Variants in SYT1 observed in about 807,000 individuals in gnomAD.
The protein encoded by SYT1 is synaptotagmin-1.
In SYT1, 8 loss-of-function variants were observed where a neutral mutation model predicts 44.8. The ratio of observed to expected loss-of-function variants is 0.18; its 90% CI spans 0.10 to 0.32. The LOEUF (loss-of-function observed/expected upper bound fraction) is 0.32. Ranked by LOEUF, SYT1 falls within the 10% of genes least tolerant of loss-of-function variation. The probability of loss-of-function intolerance (pLI) is 1.00; values close to 1 mark genes in which losing one functional copy is unlikely to be tolerated. For synonymous variants in SYT1, 154 were observed against 188.8 expected, an observed-to-expected ratio of 0.82 and a Z score of 1.51; for missense variants, 286 against 509.3, an observed-to-expected ratio of 0.56 and a Z score of 4.22.
intron 1 of SYT1, among the ~76,000 whole-genome samples, chr12:78,889,394 G>A (rs1874923144): frequency 6.6e-6 from 1 of 151,928 alleles, no homozygotes; most frequent in Non-Finnish European, 1.5e-5. Context: ...CTTGGTTGAG[G>A]AACTTGTAAT....
At chr12:79,191,627 G>C (rs772891712) in intron 3 of SYT1, among the ~76,000 whole-genome samples, 1 of 152,078 alleles carries the variant, frequency 6.6e-6, no homozygotes, top group Non-Finnish European at 1.5e-5. Flanking sequence ...AGGATGACTA[G>C]GTAGAGACAT....
At chr12:79,217,300 T>C (rs558393443) in intron 3 of SYT1, among the ~76,000 whole-genome samples, 19 of 152,338 alleles carry the variant, frequency 1.2e-4, no homozygotes, top group African/African-American at 4.6e-4. Context: ...CTATGTCTGG[T>C]CTTACCTTCT....
At chr12:79,247,741 A>G (rs1166559364) in intron 4 of SYT1, among the ~76,000 whole-genome samples, 1 of 152,150 alleles carries the variant, frequency 6.6e-6, no homozygotes, top group Non-Finnish European at 1.5e-5. Context: ...TCAGCACACA[A>G]ACATAGATAC....
intron 1 of SYT1, among the ~76,000 whole-genome samples, chr12:78,898,662 A>AGCCAGCAGGTTCT (rs2137091040): frequency 6.6e-6 from 1 of 152,228 alleles, no homozygotes; most frequent in African/African-American, 2.4e-5. Context: ...AATGGCAGAC[A>AGCCAGCAGGTTCT]GCCAGCAGGT....
In SYT1 at chr12:79,249,088, CTTTT is replaced by C. The variant is rs58983623; in HGVS notation, c.166+31427_166+31430del. On this transcript the variant is annotated intron_variant, in intron 4 of 10. Transcript: ENST00000261205. ...TATTCCCTCTTCTCTTTACCTCTTT[CTTTT>C]TTTTTTTTTTTTTTTTTTTTTTTGA... Among the ~76,000 whole-genome samples the C allele has an allele frequency of 2.4e-3, 173 of 71,810 alleles. 1 individual carries two copies. Among genetic ancestry groups the C allele is most frequent in the African/African-American group, 1.0e-2 (162 of 16,212 alleles). 47.1% of individuals were successfully genotyped at this position (71,810 alleles called of 152,430 possible). A position where few individuals can be genotyped will look rare whatever the true frequency, so the allele number is the denominator to read the frequency against.
At chr12:79,104,163 T>C (rs1018119738) in intron 3 of SYT1, among the ~76,000 whole-genome samples, 1 of 152,048 alleles carries the variant, frequency 6.6e-6, no homozygotes, top group Non-Finnish European at 1.5e-5. Flanking sequence ...CAATTTTTTT[T>C]TTTTTGTAAT....
chr12:79,349,039 A>AAGAAAGAAAGAAAGAAAGAAAG (rs1283893572), intron 8 of SYT1, among the ~76,000 whole-genome samples: 182 of 140,072 alleles, frequency 1.3e-3, no homozygotes, highest in East Asian at 5.7e-3. Context: ...AAGAAAAAGA[A>AAGAAAGAAAGAAAGAAAGAAAG]AGAAAGAAAG....
chr12:79,174,345 G>C (rs1176747173), intron 3 of SYT1, among the ~76,000 whole-genome samples: 1 of 152,024 alleles, frequency 6.6e-6, no homozygotes, highest in Non-Finnish European at 1.5e-5. Context: ...AGAACATGCT[G>C]TTGGTTAATA....
intron 4 of SYT1, among the ~76,000 whole-genome samples, chr12:79,262,342 T>C (rs1877875968): frequency 6.6e-6 from 1 of 152,228 alleles, no homozygotes; most frequent in South Asian, 2.1e-4. Context: ...TCCAACCTTA[T>C]GACTCTTCTC....
chr12:79,171,845 G>T (rs536957463), intron 3 of SYT1, among the ~76,000 whole-genome samples: 2 of 152,002 alleles, frequency 1.3e-5, no homozygotes. Flanking sequence ...TAATAATAAT[G>T]TATTCCTCCT....
chr12:79,352,305 A>T (rs1328785126), intron 8 of SYT1, among the ~76,000 whole-genome samples: 5 of 152,096 alleles, frequency 3.3e-5, no homozygotes, highest in Admixed American at 6.5e-5. Context: ...CAAGTTATAG[A>T]TAAAGACACA....
chr12:79,238,855 A>G (rs1348707636), intron 4 of SYT1, among the ~76,000 whole-genome samples: 1 of 152,170 alleles, frequency 6.6e-6, no homozygotes, highest in South Asian at 2.1e-4. Context: ...TCATATGGCT[A>G]ATTTGCTTTG....
rs187425824 is a variant in SYT1, at chr12:78,969,667, G to A, written c.-216-8132G>A. Among the ~76,000 whole-genome samples the A allele has an allele frequency of 6.0e-4, 92 of 152,278 alleles. No homozygotes were observed. The South Asian group carries it at 0.011, about 17-fold the overall frequency. On this transcript the variant is annotated intron_variant, in intron 1 of 10. Transcript: ENST00000261205. ...GTTTGATTTGACTGTGATATAATGAGGGGAGTGTGGTGAGATGAAGTAGGA... is the reference window on the plus strand; with the variant it reads ...GTTTGATTTGACTGTGATATAATGAAGGGAGTGTGGTGAGATGAAGTAGGA...
chr12:79,034,421 C>T (rs1056533962), intron 2 of SYT1, among the ~76,000 whole-genome samples: 1 of 151,608 alleles, frequency 6.6e-6, no homozygotes, highest in African/African-American at 2.4e-5. Context: ...TGATTTACTA[C>T]CCTCTCAAAG....
chr12:79,137,924 C>A (rs1448036135), intron 3 of SYT1, among the ~76,000 whole-genome samples: 1 of 152,132 alleles, frequency 6.6e-6, no homozygotes, highest in African/African-American at 2.4e-5. Flanking sequence ...ATGTTGTTAG[C>A]AAATATTTAT....
chr12:78,930,801 A>T (rs1412359736), intron 1 of SYT1, among the ~76,000 whole-genome samples: 2 of 151,982 alleles, frequency 1.3e-5, no homozygotes, highest in Non-Finnish European at 2.9e-5. Flanking sequence ...AGAGTAATAT[A>T]CAGATTTGTA....
Position 79,107,873 on chromosome 12 carries a change from A to G in SYT1, c.-18+60511A>G, listed in dbSNP as rs553692273. ...AAATCTGTGGGAACTTTACCAATAA[A>G]ACTATAAAGCTTCATTTAAAAAACA... On this transcript the variant is annotated intron_variant, in intron 3 of 10. Coordinates refer to ENST00000261205, the MANE Select transcript of SYT1 (RefSeq NM_005639.3). 4.6e-5 allele frequency among the ~76,000 whole-genome samples: 7 copies of G among 152,124 alleles called. 1 individual carries two copies. In the South Asian group the frequency reaches 1.4e-3, roughly 31 times the overall value.
intron 3 of SYT1, among the ~76,000 whole-genome samples, chr12:79,177,021 G>A (rs1158112669): frequency 2.1e-5 from 3 of 142,546 alleles, no homozygotes; most frequent in Non-Finnish European, 4.5e-5. Flanking sequence ...TAACTCCATT[G>A]TAAAAGCATA....
chr12:79,200,804 C>T (rs887908706), intron 3 of SYT1, among the ~76,000 whole-genome samples: 1 of 152,114 alleles, frequency 6.6e-6, no homozygotes, highest in Non-Finnish European at 1.5e-5. Flanking sequence ...CTTCAGAGTC[C>T]ATGCTGTTAT....
Sources: gnomAD v4.1 joint callset for allele counts (sites outside exome capture counted in the v4.1 genomes callset) on GRCh38, gnomAD v4.1.1 for gene constraint, MANE v1.5 for transcripts, NCBI Gene and HGNC (gene_info 2026-07-23, HGNC 2026-07-21) for gene names.